Variants in C11orf98 observed in about 807,000 individuals in gnomAD.
C11orf98 encodes the protein 28S rRNA/ribosome and sororin micro-cofactor.
Under a neutral mutation model 10.9 loss-of-function variants are expected in C11orf98, and 7 were observed. The observed-to-expected ratio is 0.64, with a 90% CI of 0.37 to 1.21. The LOEUF (loss-of-function observed/expected upper bound fraction) is 1.21. C11orf98 is among the 50% of genes most tolerant of loss of function. The pLI is 0.02. For synonymous variants in C11orf98, 70 were observed against 57.2 expected, an observed-to-expected ratio of 1.22 and a Z score of -1.01; for missense variants, 181 against 153.7, an observed-to-expected ratio of 1.18 and a Z score of -0.94.
Position 62,662,920 on chromosome 11 carries a change from G to A in C11orf98, c.*130C>T, listed in dbSNP as rs1258734080. 1.0e-5 allele frequency: 7 copies of A among 683,150 alleles called. No individual in the cohort carries two copies. Among genetic ancestry groups the A allele is most frequent in the Non-Finnish European group, 1.5e-5 (6 of 407,932 alleles). 42.3% of individuals were successfully genotyped at this position (683,150 alleles called of 1,614,324 possible). The stretch of plus-strand genomic sequence containing the variant: ...CCCTCCCAAAGACATCCCTCTAGGG[G>A]AGGTCAGTAGGCCATTAGGTAGGAG... On this transcript the variant is annotated 3_prime_UTR_variant, in exon 4 of 4. Coordinates refer to ENST00000524958, the MANE Select transcript of C11orf98 (RefSeq NM_001286086.2).
chr11:62,664,105 A>G (rs1295347524), intron 2 of C11orf98, among the ~76,000 whole-genome samples: 6 of 143,702 alleles, frequency 4.2e-5, no homozygotes, highest in Non-Finnish European at 9.3e-5. Context: ...AAAAAAAAAA[A>G]GGACACAGAA....
Position 62,664,903 on chromosome 11 carries a change from A to C in C11orf98, c.110T>G (p.Val37Gly). Reference protein sequence around the residue: ...NRERRLRHRVVGAVIDQGLIT... With the variant: ...NRERRLRHRVGGAVIDQGLIT... ...CAGCCCTTGGTCTATCACAGCCCCG[A>C]CCACCCGGTGCCTCAGACGCCGCTC... The change falls in exon 2 of 4, where the codon GTC (valine) becomes GGC (glycine). Residue 37 changes from valine to glycine, a missense_variant. Transcript: ENST00000524958. 1 of 1,596,750 alleles carries C rather than the reference A, an allele frequency of 6.3e-7. No homozygotes were observed.
intron 2 of C11orf98, among the ~76,000 whole-genome samples, chr11:62,664,022 G>A (rs1364663194): frequency 1.2e-4 from 17 of 143,274 alleles, no homozygotes; most frequent in African/African-American, 4.1e-4. Flanking sequence ...GCAGTGAGCC[G>A]AGATCATGCC....
At chr11:62,663,386 TCACA>T in intron 2 of C11orf98, 53 bp from the exon 3 acceptor site, 1 of 1,556,270 alleles carries the variant, frequency 6.4e-7, no homozygotes, top group Non-Finnish European at 8.8e-7. Context: ...CCAACTGAGG[TCACA>T]CAAATAGTTC....
intron 2 of C11orf98, among the ~76,000 whole-genome samples, chr11:62,663,768 G>T (rs1169029187): frequency 6.6e-6 from 1 of 150,670 alleles, no homozygotes; most frequent in African/African-American, 2.4e-5. Flanking sequence ...TATTTACATT[G>T]AAGAAGCTAA....
Position 62,664,982 on chromosome 11 carries a change from G to A in C11orf98, c.40-9C>T. On this transcript the variant is annotated splice_polypyrimidine_tract_variant and intron_variant, in intron 1 of 3. Coordinates refer to ENST00000524958, the MANE Select transcript of C11orf98 (RefSeq NM_001286086.2). The stretch of plus-strand genomic sequence containing the variant: ...AGCTTCTTCTTCAGCTCCTGCCGGG[G>A]AGAAAGATGCGAATCAGATGGAGTG... 1.2e-6 allele frequency: 2 copies of A among 1,609,960 alleles called. No homozygotes were observed. Among genetic ancestry groups the A allele is most frequent in the Middle Eastern group, 3.3e-4 (2 of 6,060 alleles).
Position 62,665,114 on chromosome 11 carries a change from G to T in C11orf98, c.39+17C>A. ...GGAACGCTTGAGGAAACAAAGTCGCGGCCCCCACACAGTCACCGTTCGGGG... is the reference window on the plus strand; with the variant it reads ...GGAACGCTTGAGGAAACAAAGTCGCTGCCCCCACACAGTCACCGTTCGGGG... On this transcript the variant is annotated intron_variant, in intron 1 of 3. Coordinates refer to ENST00000524958, the MANE Select transcript of C11orf98 (RefSeq NM_001286086.2). The T allele has an allele frequency of 7.8e-7, 1 of 1,279,268 alleles. No homozygotes were observed. Among genetic ancestry groups the T allele is most frequent in the Non-Finnish European group, 1.1e-6 (1 of 911,886 alleles). The allele number at this position is 1,279,268 out of a possible 1,614,324, so 79.2% of individuals were successfully genotyped here.
rs779357864 is a variant in C11orf98 at position 62,663,166 on chromosome 11, A to G, written c.263-7T>C. ...GGCTTTGAAGGGGCTTCCACTGAGT[A>G]AAGGGAAGAAGGAAGTATTATCCCA... On this transcript the variant is annotated splice_polypyrimidine_tract_variant and splice_region_variant and intron_variant, in intron 3 of 3. Transcript: ENST00000524958. 4.6e-5 allele frequency: 74 copies of G among 1,613,734 alleles called. No individual in the cohort carries two copies. The highest frequency in any genetic ancestry group is 6.0e-5 in the Non-Finnish European group (71 of 1,179,928).
chr11:62,664,081 GGA>G (rs1944725344), intron 2 of C11orf98, among the ~76,000 whole-genome samples: 2 of 48,654 alleles, frequency 4.1e-5, no homozygotes, highest in Non-Finnish European at 9.3e-5. Context: ...TCAAAAAAGA[GGA>G]AAAAAAAAAA....
rs189565979 is a variant in C11orf98, at chr11:62,664,769, G to A, written c.164+80C>T. 2.6e-3 allele frequency: 3,978 copies of A among 1,513,808 alleles called. 27 individuals are homozygous for A. Among genetic ancestry groups the A allele is most frequent in the Non-Finnish European group, 2.8e-3 (3,096 of 1,119,452 alleles). The allele number at this position is 1,513,808 out of a possible 1,614,324, so 93.8% of individuals were successfully genotyped here. On this transcript the variant is annotated intron_variant, in intron 2 of 3. Transcript: ENST00000524958. ...CGTCAGTGCACAAGGTGAGCTGAGA[G>A]GTGAAGCTGCTCCGGAGCTCTGCAG...
chr11:62,664,919 G>C lies in C11orf98; in HGVS notation c.94C>G (p.Leu32Val), dbSNP rs146645975. ...ACAGCCCCGACCACCCGGTGCCTCAGACGCCGCTCCCGATTCAACACCCGC... is the reference window on the plus strand; with the variant it reads ...ACAGCCCCGACCACCCGGTGCCTCACACGCCGCTCCCGATTCAACACCCGC... ...RRRVLNRERR[L>V]RHRVVGAVID... The change falls in exon 2 of 4, where the codon CTG becomes GTG. Residue 32 changes from leucine (L) to valine (V), a missense_variant. By Grantham distance (32) the Leu-to-Val change is conservative. Coordinates refer to ENST00000524958, the MANE Select transcript of C11orf98 (RefSeq NM_001286086.2). 6.2e-7 allele frequency: 1 copy of C among 1,603,748 alleles called. No homozygotes were observed. The highest frequency in any genetic ancestry group is 8.5e-7 in the Non-Finnish European group (1 of 1,175,522).
In C11orf98 at chr11:62,664,799, G is replaced by A. The variant is rs1453571765; in HGVS notation, c.164+50C>T. 9 of 1,548,174 alleles carry A rather than the reference G, an allele frequency of 5.8e-6. No individual in the cohort carries two copies. The South Asian group carries it at 5.9e-5, about 10-fold the overall frequency. On this transcript the variant is annotated intron_variant, in intron 2 of 3. Coordinates refer to ENST00000524958, the MANE Select transcript of C11orf98 (RefSeq NM_001286086.2). ...AGCTGCTCCGGAGCTCTGCAGGGAG[G>A]AAGGAAGACTCGGTGGGGACGACCA...
At position 62,664,952 on chromosome 11, in the gene C11orf98, TG is replaced by T; in HGVS notation, c.60del (p.Phe20LeufsTer7). On this transcript the variant is annotated frameshift_variant, in exon 2 of 4. Transcript: ENST00000524958. LOFTEE classifies it high-confidence loss of function. ...TCCCGATTCAACACCCGCCGGCGTT[TG>T]AACAGCTTCTTCTTCAGCTCCTGCC... is the stretch of plus-strand genomic sequence containing the variant. The part of the protein sequence containing the change: ...RPRTELKKKL[F>X]KRRRVLNRER... 6.2e-7 allele frequency: 1 copy of T among 1,612,102 alleles called. No homozygotes were observed. Among genetic ancestry groups the T allele is most frequent in the Non-Finnish European group, 8.5e-7 (1 of 1,179,518 alleles).
rs1401268702 is a variant in C11orf98 at position 62,663,168 on chromosome 11, A to C, written c.263-9T>G. 6.2e-7 allele frequency: 1 copy of C among 1,613,844 alleles called. No homozygotes were observed. The highest frequency in any genetic ancestry group is 1.3e-5 in the African/African-American group (1 of 75,042). On this transcript the variant is annotated splice_polypyrimidine_tract_variant and intron_variant, in intron 3 of 3. Coordinates refer to ENST00000524958, the MANE Select transcript of C11orf98 (RefSeq NM_001286086.2). The stretch of plus-strand genomic sequence containing the variant: ...CTTTGAAGGGGCTTCCACTGAGTAA[A>C]GGGAAGAAGGAAGTATTATCCCAAA...
chr11:62,663,414 A>G, intron 2 of C11orf98, 81 bp from the exon 3 acceptor site: 2 of 1,428,156 alleles, frequency 1.4e-6, no homozygotes, highest in African/African-American at 2.8e-5. Flanking sequence ...CTATAGAAAA[A>G]GTATTAAATA....
chr11:62,663,170 GGAA>G lies in C11orf98; in HGVS notation c.263-14_263-12del. ...TTGAAGGGGCTTCCACTGAGTAAAG[GGAA>G]GAAGGAAGTATTATCCCAAATAAAT... On this transcript the variant is annotated splice_polypyrimidine_tract_variant and intron_variant, in intron 3 of 3. Coordinates refer to ENST00000524958, the MANE Select transcript of C11orf98 (RefSeq NM_001286086.2). 6.2e-7 allele frequency: 1 copy of G among 1,613,852 alleles called. No homozygotes were observed. Among genetic ancestry groups the G allele is most frequent in the Non-Finnish European group, 8.5e-7 (1 of 1,179,936 alleles).
At chr11:62,665,044 C>G (rs907032848) in intron 1 of C11orf98, 71 bp from the exon 2 acceptor site, 1 of 1,592,462 alleles carries the variant, frequency 6.3e-7, no homozygotes. Context: ...ACCAGGCAGC[C>G]CCGGCCCCTC....
At position 62,663,105 on chromosome 11, in the gene C11orf98, T is replaced by C; in HGVS notation, c.317A>G (p.Lys106Arg). Residue 106 changes from lysine to arginine, a missense_variant, in exon 4 of 4, where the codon AAG becomes AGG. Physicochemically the swap from Lys to Arg is conservative, Grantham distance 26 (BLOSUM62 2). Coordinates refer to ENST00000524958, the MANE Select transcript of C11orf98 (RefSeq NM_001286086.2). ...RTSEPQLKRQ[K>R]KTKAPQDVEM... ...TACATCCTGGGGGGCTTTTGTCTTC[T>C]TTTGCCTTTTGAGCTGTGGTTCACT... The C allele has an allele frequency of 1.2e-6, 2 of 1,613,906 alleles. No individual in the cohort carries two copies. The highest frequency in any genetic ancestry group is 8.5e-7 in the Non-Finnish European group (1 of 1,179,874).
rs1257737855 is a variant in C11orf98, at chr11:62,665,159, G to T, written c.11C>A (p.Pro4Gln). MGA[P>Q]GGKINRPRTE... ...TCGGGGCCGGTTGATCTTTCCCCCCGGAGCTCCCATAGTCGCGATTCCACT... is the reference window on the plus strand; with the variant it reads ...TCGGGGCCGGTTGATCTTTCCCCCCTGAGCTCCCATAGTCGCGATTCCACT... The change falls in exon 1 of 4, where the codon CCG (proline) becomes CAG (glutamine). Residue 4 changes from proline (P) to glutamine (Q), a missense_variant. Pro to Gln is a moderately conservative substitution (Grantham distance 76, BLOSUM62 -1). Coordinates refer to ENST00000524958, the MANE Select transcript of C11orf98 (RefSeq NM_001286086.2). 2.2e-6 allele frequency: 2 copies of T among 917,220 alleles called. No individual in the cohort carries two copies. The highest frequency in any genetic ancestry group is 3.4e-6 in the Non-Finnish European group (2 of 581,296). The allele number at this position is 917,220 out of a possible 1,614,324, so 56.8% of individuals were successfully genotyped here.
Sources: allele counts gnomAD v4.1 joint callset (sites outside exome capture counted in the v4.1 genomes callset), GRCh38; gene constraint gnomAD v4.1.1; transcripts MANE v1.5; gene names NCBI Gene and HGNC (gene_info 2026-07-23, HGNC 2026-07-21).